Variants in IREB2 observed in about 807,000 individuals in gnomAD.
IREB2 encodes iron-responsive element-binding protein 2.
In IREB2, 39 loss-of-function variants were observed where a neutral mutation model predicts 118.8. The observed-to-expected ratio is 0.33, with a 90% CI of 0.25 to 0.43. The LOEUF is 0.43. Among genes scored for constraint, IREB2 ranks in the 20% least tolerant of loss-of-function variants. The pLI is 1.00. For missense variants in IREB2, 900 were observed against 1,147.3 expected, an observed-to-expected ratio of 0.78 and a Z score of 3.11; for synonymous variants, 372 against 392.2, an observed-to-expected ratio of 0.95 and a Z score of 0.61.
intron 18 of IREB2, among the ~76,000 whole-genome samples, chr15:78,493,464 G>A (rs1341902693): frequency 6.6e-6 from 1 of 152,110 alleles, no homozygotes; most frequent in Non-Finnish European, 1.5e-5. Flanking sequence ...CATGTTTAAA[G>A]GTCAACTGTA....
Position 78,478,392 on chromosome 15 carries a change from TC to T in IREB2, c.1294del (p.Gln432ArgfsTer2). The T allele has an allele frequency of 1.9e-6, 3 of 1,570,086 alleles. No homozygotes were observed. The highest frequency in any genetic ancestry group is 1.7e-4 in the Middle Eastern group (1 of 5,998). On this transcript the variant is annotated frameshift_variant, in exon 10 of 22. Transcript: ENST00000258886. LOFTEE classifies it high-confidence loss of function. ...GAATTCTTCAGGAGAACCTGAATAC[TC>T]CCAGGTATATGCAGAATAACCCACC... ...DQNSSGEPEY[S>X]QVIQINLNSI...
intron 2 of IREB2, among the ~76,000 whole-genome samples, chr15:78,456,443 G>C (rs2051106606): frequency 6.6e-6 from 1 of 152,114 alleles, no homozygotes; most frequent in South Asian, 2.1e-4. Context: ...TGGGAGGATT[G>C]CTTGAGCCCA....
At chr15:78,468,141 A>G (rs529375648) in intron 5 of IREB2, among the ~76,000 whole-genome samples, 1 of 152,334 alleles carries the variant, frequency 6.6e-6, no homozygotes, top group South Asian at 2.1e-4. Context: ...AGCATGAGCT[A>G]CTGTGCCCAG....
Position 78,487,831 on chromosome 15 carries a change from AT to A in IREB2, c.1794+16del. The A allele has an allele frequency of 6.8e-7, 1 of 1,462,130 alleles. No homozygotes were observed. The highest frequency in any genetic ancestry group is 9.6e-7 in the Non-Finnish European group (1 of 1,044,488). 90.6% of individuals were successfully genotyped at this position (1,462,130 alleles called of 1,614,324 possible). ...GCAGTAAAACAGGTAAAATGTGTGG[AT>A]TGGCAAGACATCTAAATGATTTTCT... is the stretch of plus-strand genomic sequence containing the variant. On this transcript the variant is annotated intron_variant, in intron 14 of 21. Transcript: ENST00000258886.
rs1386381488 is a variant in IREB2, at chr15:78,499,517, C to G, written c.*1374C>G. 1 of 152,088 alleles carries G rather than the reference C, an allele frequency of 6.6e-6. No homozygotes were observed. Among genetic ancestry groups the G allele is most frequent in the African/African-American group, 2.4e-5 (1 of 41,404 alleles). 9.4% of individuals were successfully genotyped at this position (152,088 alleles called of 1,614,324 possible). A position where few individuals can be genotyped will look rare whatever the true frequency, so the allele number is the denominator to read the frequency against. Reference sequence around the variant, plus strand: ...AGAATTACTTGTTGTAAGCAAAATGCTGAAACTACCAAACCAGTGGATGAA... The same window carrying G: ...AGAATTACTTGTTGTAAGCAAAATGGTGAAACTACCAAACCAGTGGATGAA... On this transcript the variant is annotated 3_prime_UTR_variant, in exon 22 of 22. Coordinates refer to ENST00000258886, the MANE Select transcript of IREB2 (RefSeq NM_004136.4).
chr15:78,458,495 C>CA (rs1595991322), intron 2 of IREB2, among the ~76,000 whole-genome samples: 1 of 151,962 alleles, frequency 6.6e-6, no homozygotes, highest in East Asian at 2.0e-4. Context: ...AGGCTAGTCT[C>CA]AAACTCCTCA....
chr15:78,472,037 C>T, intron 7 of IREB2, 113 bp downstream of exon 7: 2 of 720,646 alleles, frequency 2.8e-6, no homozygotes, highest in Non-Finnish European at 4.3e-6. Flanking sequence ...CTGTGTTTTT[C>T]ATCTGTAATA....
chr15:78,485,667 A>G lies in IREB2; in HGVS notation c.1574-38A>G, dbSNP rs1243467702. ...TAATATGGGTGAGAGAGGGAAAGAA[A>G]CATTGCCATAATAAATCATTGTTTG... On this transcript the variant is annotated intron_variant, in intron 12 of 21. Coordinates refer to ENST00000258886, the MANE Select transcript of IREB2 (RefSeq NM_004136.4). 10 of 1,599,770 alleles carry G rather than the reference A, an allele frequency of 6.3e-6. No individual in the cohort carries two copies. In the East Asian group the frequency reaches 1.6e-4, roughly 25 times the overall value.
In IREB2 at chr15:78,449,600, G is replaced by T. The variant is rs1274497927; in HGVS notation, c.106+9719G>T. Among the ~76,000 whole-genome samples, 5 of 152,174 alleles carry T rather than the reference G, an allele frequency of 3.3e-5. No individual in the cohort carries two copies. The South Asian group carries it at 1.0e-3, about 32-fold the overall frequency. On this transcript the variant is annotated intron_variant, in intron 2 of 21. Transcript: ENST00000258886. The stretch of plus-strand genomic sequence containing the variant: ...AAATGTTGGCAGTTAAATTTAAAAT[G>T]TTAAAACTCTGCAGAACAAGCAAAA...
intron 2 of IREB2, among the ~76,000 whole-genome samples, chr15:78,448,345 A>G (rs977299170): frequency 4.6e-5 from 7 of 152,054 alleles, no homozygotes; most frequent in African/African-American, 1.7e-4. Flanking sequence ...CGGTTTCACC[A>G]TGTTGGCCAG....
At chr15:78,437,881 CT>C (rs2050776302), upstream of IREB2, among the ~76,000 whole-genome samples, 1 of 152,242 alleles carries the variant, frequency 6.6e-6, no homozygotes, top group Admixed American at 6.5e-5. Flanking sequence ...GCTCTTTCTC[CT>C]AGCAGTTCCG....
At chr15:78,480,771 A>G (rs2141505786) in intron 10 of IREB2, among the ~76,000 whole-genome samples, 1 of 149,024 alleles carries the variant, frequency 6.7e-6, no homozygotes, top group Middle Eastern at 3.6e-3. Flanking sequence ...GCACTTTGGG[A>G]GGCCGAAACA....
At chr15:78,467,034 C>T (rs1394372) in intron 5 of IREB2, among the ~76,000 whole-genome samples, 140,488 of 151,820 alleles carry the variant, frequency 0.93, 65,947 homozygotes, top group Non-Finnish European at 1. Flanking sequence ...CTGGGCAGCA[C>T]TGGTGAAACC....
At chr15:78,481,233 G>A (rs2051564942) in intron 10 of IREB2, among the ~76,000 whole-genome samples, 2 of 152,158 alleles carry the variant, frequency 1.3e-5, no homozygotes, top group Non-Finnish European at 2.9e-5. Context: ...TTGAGCGATA[G>A]CAAGACCCAC....
intron 10 of IREB2, among the ~76,000 whole-genome samples, chr15:78,478,918 GC>G (rs753880921): frequency 2.6e-5 from 4 of 152,036 alleles, no homozygotes; most frequent in Non-Finnish European, 5.9e-5. Flanking sequence ...CATAGTAAAT[GC>G]TCAATAAGGG....
intron 9 of IREB2, among the ~76,000 whole-genome samples, chr15:78,477,515 G>A (rs569630426): frequency 2.0e-5 from 3 of 152,326 alleles, no homozygotes; most frequent in South Asian, 2.1e-4. Flanking sequence ...GCTTGCTCAC[G>A]TGGTAGATTC....
At position 78,487,811 on chromosome 15, in the gene IREB2, A is replaced by G. The variant is rs112039230; in HGVS notation, c.1788A>G (p.Val596=). 73 of 1,577,184 alleles carry G rather than the reference A, an allele frequency of 4.6e-5. No individual in the cohort carries two copies. The African/African-American group carries it at 8.2e-4, about 18-fold the overall frequency. ...TATCAGACGCAGTTTTAAATGCAGT[A>G]AAACAGGTAAAATGTGTGGATTGGC... The part of the protein sequence containing the change: ...APLSDAVLNA[V]KQGDLVTCGI... Residue 596 remains valine (V), a synonymous_variant, in exon 14 of 22, where the codon GTA becomes GTG. Transcript: ENST00000258886.
rs781318585 is a variant in IREB2, at chr15:78,498,102, C to T, written c.2851C>T (p.His951Tyr). ...TGATGTGGAAATAACATTATACAAA[C>T]ATGGAGGATTATTAAACTTTGTGGC... ...EDDVEITLYK[H>Y]GGLLNFVARK... The change falls in exon 22 of 22, where the codon CAT becomes TAT. Residue 951 changes from histidine to tyrosine, a missense_variant. Coordinates refer to ENST00000258886, the MANE Select transcript of IREB2 (RefSeq NM_004136.4). 6.2e-7 allele frequency: 1 copy of T among 1,612,160 alleles called. No individual in the cohort carries two copies. Among genetic ancestry groups the T allele is most frequent in the South Asian group, 1.1e-5 (1 of 91,002 alleles).
chr15:78,484,716 C>G (rs1379018000), intron 11 of IREB2, 45 bp from the exon 12 acceptor site: 2 of 1,403,332 alleles, frequency 1.4e-6, no homozygotes, highest in East Asian at 4.6e-5. Context: ...TTATTCTGTA[C>G]ATACCCAGAA....
Sources: gnomAD v4.1 joint callset for allele counts (sites outside exome capture counted in the v4.1 genomes callset) on GRCh38, gnomAD v4.1.1 for gene constraint, MANE v1.5 for transcripts, NCBI Gene and HGNC (gene_info 2026-07-23, HGNC 2026-07-21) for gene names.